Variants in PCDH9 observed in about 807,000 individuals in gnomAD.
The protein encoded by PCDH9 is protocadherin 9.
In PCDH9, 24 loss-of-function variants were observed where a neutral mutation model predicts 70.6. The ratio of observed to expected loss-of-function variants is 0.34; its 90% CI spans 0.25 to 0.48. PCDH9 has a LOEUF of 0.48. Among genes scored for constraint, PCDH9 ranks in the 20% least tolerant of loss-of-function variants. PCDH9 has a pLI of 0.99. For missense variants in PCDH9, 1,281 were observed against 1,503.6 expected (o/e 0.85, Z 2.45); for synonymous variants, 562 against 558.5 (o/e 1.01, Z -0.09).
At chr13:67,161,755 G>A (rs2087967729) in intron 2 of PCDH9, among the ~76,000 whole-genome samples, 1 of 152,184 alleles carries the variant, frequency 6.6e-6, no homozygotes, top group South Asian at 2.1e-4. Context: ...GAAATTAGTA[G>A]TTAGTCAGGG....
intron 3 of PCDH9, among the ~76,000 whole-genome samples, chr13:66,779,648 C>G (rs2139294259): frequency 6.6e-6 from 1 of 151,982 alleles, no homozygotes; most frequent in Admixed American, 6.6e-5. Context: ...TGGTGAAACC[C>G]TGTCTCTACT....
At chr13:66,312,941 G>A (rs745443199) in intron 4 of PCDH9, among the ~76,000 whole-genome samples, 2 of 152,116 alleles carry the variant, frequency 1.3e-5, no homozygotes, top group Non-Finnish European at 2.9e-5. Context: ...ACATGGCCAC[G>A]CCAAGCAGGG....
At chr13:67,126,367 G>T (rs930527590) in intron 2 of PCDH9, among the ~76,000 whole-genome samples, 3 of 152,116 alleles carry the variant, frequency 2.0e-5, no homozygotes, top group African/African-American at 7.2e-5. Context: ...GATTGAATTT[G>T]TAGATCAGTT....
intron 4 of PCDH9, among the ~76,000 whole-genome samples, chr13:66,602,538 A>G (rs983522380): frequency 2.1e-5 from 3 of 146,214 alleles, no homozygotes; most frequent in African/African-American, 7.4e-5. Context: ...ATAAGGATCT[A>G]AAGAAATAAG....
At chr13:66,510,202 G>T (rs1316598877) in intron 4 of PCDH9, among the ~76,000 whole-genome samples, 2 of 152,028 alleles carry the variant, frequency 1.3e-5, no homozygotes, top group East Asian at 3.9e-4. Flanking sequence ...AAGCATTTTT[G>T]CTTAACCAAT....
intron 4 of PCDH9, among the ~76,000 whole-genome samples, chr13:66,518,549 T>G (rs117940872): frequency 0.034 from 5,104 of 152,240 alleles, 138 homozygotes; most frequent in South Asian, 0.11. Context: ...AAGCACACTT[T>G]TTTATGGGCA....
chr13:66,327,385 C>T (rs1428056253), intron 4 of PCDH9, among the ~76,000 whole-genome samples: 2 of 152,092 alleles, frequency 1.3e-5, no homozygotes, highest in African/African-American at 4.8e-5. Flanking sequence ...GGTTTGGGGA[C>T]CTCACCTCCA....
intron 4 of PCDH9, among the ~76,000 whole-genome samples, chr13:66,491,411 G>GTGTT (rs1959031256): frequency 6.6e-6 from 1 of 151,638 alleles, no homozygotes; most frequent in Non-Finnish European, 1.5e-5. Context: ...GTGTGTGTGT[G>GTGTT]TGTGTGTATG....
At chr13:67,014,933 T>A (rs1356130393) in intron 2 of PCDH9, among the ~76,000 whole-genome samples, 1 of 152,098 alleles carries the variant, frequency 6.6e-6, no homozygotes, top group Non-Finnish European at 1.5e-5. Flanking sequence ...CTTTTTTTCT[T>A]TTTACTCTAA....
chr13:66,339,769 C>T (rs935141097), intron 4 of PCDH9, among the ~76,000 whole-genome samples: 8 of 152,030 alleles, frequency 5.3e-5, no homozygotes. Context: ...GTAGCTCTAT[C>T]CACACTTTGG....
chr13:67,181,270 T>G (rs1002150262), intron 2 of PCDH9, among the ~76,000 whole-genome samples: 4 of 152,174 alleles, frequency 2.6e-5, no homozygotes, highest in African/African-American at 9.7e-5. Context: ...TGCAAATAAT[T>G]TTTTTTCAAC....
intron 3 of PCDH9, among the ~76,000 whole-genome samples, chr13:66,719,011 G>C (rs1431289303): frequency 6.6e-6 from 1 of 152,122 alleles, no homozygotes; most frequent in African/African-American, 2.4e-5. Context: ...ACATGCACAA[G>C]TTTTGTTTTT....
At chr13:67,044,783 T>C (rs1566385464) in intron 2 of PCDH9, among the ~76,000 whole-genome samples, 1 of 151,950 alleles carries the variant, frequency 6.6e-6, no homozygotes, top group African/African-American at 2.4e-5. Flanking sequence ...AGGGCAAAAA[T>C]GTCAGTTTGC....
At chr13:66,358,432 A>G (rs1049264846) in intron 4 of PCDH9, among the ~76,000 whole-genome samples, 1 of 152,026 alleles carries the variant, frequency 6.6e-6, no homozygotes, top group Non-Finnish European at 1.5e-5. Context: ...TGAGGTATGC[A>G]AAGGAACTTT....
intron 2 of PCDH9, among the ~76,000 whole-genome samples, chr13:66,962,375 T>G (rs1172407403): frequency 6.7e-6 from 1 of 150,326 alleles, no homozygotes; most frequent in Non-Finnish European, 1.5e-5. Context: ...CCAAGACACC[T>G]CCAAAGAAAA....
chr13:66,814,523 GC>G, intron 3 of PCDH9, among the ~76,000 whole-genome samples: 1 of 152,114 alleles, frequency 6.6e-6, no homozygotes, highest in Non-Finnish European at 1.5e-5. Context: ...AATAATAGAA[GC>G]CTTTTATTCA....
chr13:67,064,849 T>C (rs764548340), intron 2 of PCDH9, among the ~76,000 whole-genome samples: 19 of 152,110 alleles, frequency 1.2e-4, no homozygotes, highest in Non-Finnish European at 2.1e-4. Flanking sequence ...AAAGTATATG[T>C]ATTTTTGTAT....
chr13:66,311,039 C>T (rs1373232331), intron 4 of PCDH9, among the ~76,000 whole-genome samples: 1 of 151,968 alleles, frequency 6.6e-6, no homozygotes, highest in Non-Finnish European at 1.5e-5. Context: ...AGATGCATTC[C>T]ACTGATTTGG....
intron 3 of PCDH9, among the ~76,000 whole-genome samples, chr13:66,688,322 C>G (rs1046026765): frequency 1.3e-5 from 2 of 152,096 alleles, no homozygotes; most frequent in Admixed American, 1.3e-4. Context: ...CTATTTAGAA[C>G]TTGTGTCCTA....
Sources: gnomAD v4.1 joint callset for allele counts (sites outside exome capture counted in the v4.1 genomes callset) on GRCh38, gnomAD v4.1.1 for gene constraint, MANE v1.5 for transcripts, NCBI Gene and HGNC (gene_info 2026-07-23, HGNC 2026-07-21) for gene names.